The following RIMBP2 variants were observed in gnomAD, a reference collection of about 807,000 sequenced individuals.
RIMBP2 encodes RIMS-binding protein 2.
In RIMBP2, 48 loss-of-function variants were observed where a neutral mutation model predicts 118.6. The observed-to-expected ratio is 0.40, with a 90% CI of 0.32 to 0.51. The LOEUF is 0.51. Ranked by LOEUF, RIMBP2 falls within the 20% of genes least tolerant of loss-of-function variation. The probability of loss-of-function intolerance (pLI) is 0.41; values close to 1 mark genes in which losing one functional copy is unlikely to be tolerated. For missense variants in RIMBP2, 1,551 were observed against 1,768.3 expected (o/e 0.88, Z 2.20); for synonymous variants, 762 against 742.9 (o/e 1.03, Z -0.42).
chr12:130,552,358 G>C (rs1023873118), intron 2 of RIMBP2, among the ~76,000 whole-genome samples: 1 of 152,122 alleles, frequency 6.6e-6, no homozygotes, highest in Non-Finnish European at 1.5e-5. Context: ...CTTTCCAAAA[G>C]TCACTTGAAA....
intron 6 of RIMBP2, 142 bp from the exon 7 acceptor site, chr12:130,456,842 T>C (rs998950845): frequency 3.1e-6 from 2 of 640,170 alleles, no homozygotes; most frequent in Non-Finnish European, 5.4e-6. Context: ...TGAAAATGCA[T>C]GTGTGGTTGA....
intron 1 of RIMBP2, among the ~76,000 whole-genome samples, chr12:130,691,141 C>T (rs2065290514): frequency 6.6e-6 from 1 of 152,168 alleles, no homozygotes. Flanking sequence ...TCAAACGCCT[C>T]CAGGACCAGG....
At chr12:130,658,935 T>TCCCTTCCTCCACCATACCAAC (rs2063539729) in intron 1 of RIMBP2, 2 of 150,822 alleles carry the variant, frequency 1.3e-5, no homozygotes, top group African/African-American at 4.9e-5. Context: ...CCTCACTCAA[T>TCCCTTCCTCCACCATACCAAC]CTCCCTTCCT....
chr12:130,651,479 G>A (rs892930073), intron 1 of RIMBP2: 2 of 152,390 alleles, frequency 1.3e-5, no homozygotes, highest in African/African-American at 4.8e-5. Flanking sequence ...CTATTGAGCA[G>A]GTGAGATGGT....
intron 1 of RIMBP2, among the ~76,000 whole-genome samples, chr12:130,641,748 G>A (rs2062632925): frequency 6.6e-6 from 1 of 152,160 alleles, no homozygotes; most frequent in South Asian, 2.1e-4. Flanking sequence ...CAGCCTCAGG[G>A]CACCTCATGC....
In RIMBP2 at chr12:130,683,816, T is replaced by G. The variant is rs2064916985; in HGVS notation, c.-352+32406A>C. Among the ~76,000 whole-genome samples, 1 of 152,206 alleles carries G rather than the reference T, an allele frequency of 6.6e-6. No individual in the cohort carries two copies. The highest frequency in any genetic ancestry group is 2.1e-4 in the South Asian group (1 of 4,832). On this transcript the variant is annotated intron_variant, in intron 1 of 22. Coordinates refer to ENST00000690449, the MANE Select transcript of RIMBP2 (RefSeq NM_001393629.1). The surrounding 1 kb of genome is among the most constrained non-coding windows in gnomAD (Gnocchi z 4.4). Reference sequence around the variant, plus strand: ...AGGTAAGAATAATCCACCCCTTGTTTAGCATATAATTAAGAAATAACCATA... The same window carrying G: ...AGGTAAGAATAATCCACCCCTTGTTGAGCATATAATTAAGAAATAACCATA...
At chr12:130,454,902 G>A (rs1046092802) in intron 7 of RIMBP2, among the ~76,000 whole-genome samples, 1 of 152,206 alleles carries the variant, frequency 6.6e-6, no homozygotes, top group Non-Finnish European at 1.5e-5. Flanking sequence ...CTAGTGTCTG[G>A]AACTCAGCTT....
At chr12:130,625,427 G>A (rs944506661) in intron 2 of RIMBP2, among the ~76,000 whole-genome samples, 1 of 152,200 alleles carries the variant, frequency 6.6e-6, no homozygotes, top group Non-Finnish European at 1.5e-5. Context: ...CAGCCACTGA[G>A]GTGTGCTTCA....
intron 2 of RIMBP2, among the ~76,000 whole-genome samples, chr12:130,580,329 T>C (rs2058382934): frequency 6.6e-6 from 1 of 151,996 alleles, no homozygotes; most frequent in Non-Finnish European, 1.5e-5. Flanking sequence ...ATGGGGGTGG[T>C]TTCCCCCATG....
chr12:130,402,470 A>G (rs1040530713), intron 21 of RIMBP2, among the ~76,000 whole-genome samples: 6 of 152,046 alleles, frequency 3.9e-5, no homozygotes, highest in Non-Finnish European at 8.8e-5. Flanking sequence ...GGAGGGTTCC[A>G]TATAGCATGT....
At chr12:130,483,148 AG>A (rs1446765136) in intron 4 of RIMBP2, among the ~76,000 whole-genome samples, 2 of 77,280 alleles carry the variant, frequency 2.6e-5, no homozygotes, top group Non-Finnish European at 5.8e-5. Context: ...TCTGCAGGGG[AG>A]GGGGCAGACC....
intron 2 of RIMBP2, among the ~76,000 whole-genome samples, chr12:130,529,082 G>A (rs914796454): frequency 2.0e-5 from 3 of 152,190 alleles, no homozygotes; most frequent in African/African-American, 2.4e-5. Flanking sequence ...TAAGCCAAAT[G>A]TGGTCTGTCC....
chr12:130,689,235 C>A (rs1306862984), intron 1 of RIMBP2, among the ~76,000 whole-genome samples: 1 of 152,042 alleles, frequency 6.6e-6, no homozygotes, highest in Non-Finnish European at 1.5e-5. Flanking sequence ...GAGTTCGAGC[C>A]CAGCCTGGCC....
chr12:130,530,418 C>CA (rs965698080), intron 2 of RIMBP2, among the ~76,000 whole-genome samples: 7 of 152,008 alleles, frequency 4.6e-5, no homozygotes, highest in African/African-American at 1.7e-4. Context: ...CCCTAACTCC[C>CA]AAAAAATGAC....
intron 15 of RIMBP2, chr12:130,427,347 G>A (rs559151464): frequency 6.6e-6 from 1 of 152,398 alleles, no homozygotes; most frequent in East Asian, 1.9e-4. Flanking sequence ...GGGACCTGAA[G>A]AGGGCACCCC....
rs1593314320 is a variant in RIMBP2 at position 130,442,427 on chromosome 12, T to C, written c.925A>G (p.Ile309Val). ...AGTLDVNIDDIGEDIVPYPRK... is the reference protein window; with the variant it reads ...AGTLDVNIDDVGEDIVPYPRK... Reference sequence around the variant, plus strand: ...GGGTAAGGCACGATGTCTTCTCCGATGTCGTCGATGTTCACGTCCAGGGTC... The same window carrying C: ...GGGTAAGGCACGATGTCTTCTCCGACGTCGTCGATGTTCACGTCCAGGGTC... The change falls in exon 11 of 23, where the codon ATC becomes GTC. Residue 309 changes from isoleucine (I) to valine (V), a missense_variant. Transcript: ENST00000690449. This position sits in a 1 kb window ranked among gnomAD's most constrained non-coding sequence, Gnocchi z 6.9. 5.6e-6 allele frequency: 9 copies of C among 1,614,164 alleles called. No individual in the cohort carries two copies. Among genetic ancestry groups the C allele is most frequent in the African/African-American group, 1.3e-5 (1 of 75,038 alleles).
In RIMBP2 at chr12:130,431,562, T is replaced by A. The variant is rs752727437; in HGVS notation, c.2253+3172A>T. 6 of 205,716 alleles carry A rather than the reference T, an allele frequency of 2.9e-5. No individual in the cohort carries two copies. The highest frequency in any genetic ancestry group is 6.0e-5 in the Non-Finnish European group (6 of 99,722). The allele number at this position is 205,716 out of a possible 1,614,324, so 12.7% of individuals were successfully genotyped here. ...TATCACTTATTTTATGTTATATTAT[T>A]ATATTATTAACAATATATATTAACA... On this transcript the variant is annotated intron_variant, in intron 14 of 22. Coordinates refer to ENST00000690449, the MANE Select transcript of RIMBP2 (RefSeq NM_001393629.1). The surrounding 1 kb of genome is among the most constrained non-coding windows in gnomAD (Gnocchi z 4.0).
intron 1 of RIMBP2, among the ~76,000 whole-genome samples, chr12:130,691,782 C>T (rs949604840): frequency 1.3e-5 from 2 of 152,214 alleles, no homozygotes; most frequent in African/African-American, 2.4e-5. Flanking sequence ...GTAGGGGTGC[C>T]AGCACCCCCA....
At chr12:130,433,327 A>G (rs1391074435) in intron 14 of RIMBP2, among the ~76,000 whole-genome samples, 2 of 152,200 alleles carry the variant, frequency 1.3e-5, no homozygotes, top group Non-Finnish European at 2.9e-5. Flanking sequence ...AGAGGATGCT[A>G]CAGATATGTC....
Sources: gnomAD v4.1 joint callset for allele counts (sites outside exome capture counted in the v4.1 genomes callset) on GRCh38, gnomAD v4.1.1 for gene constraint, Gnocchi (gnomAD v3.1) non-coding constraint, MANE v1.5 for transcripts, NCBI Gene and HGNC (gene_info 2026-07-23, HGNC 2026-07-21) for gene names.